The following NBPF20 variants were observed in gnomAD, a reference collection of about 807,000 sequenced individuals.
NBPF20 encodes NBPF family member NBPF20.
Under a neutral mutation model 68.1 loss-of-function variants are expected in NBPF20, and 90 were observed. The ratio of observed to expected loss-of-function variants is 1.32; its 90% CI spans 1.11 to 1.58. The LOEUF (loss-of-function observed/expected upper bound fraction) is 1.58. NBPF20 is among the 40% of genes most tolerant of loss of function. The probability of loss-of-function intolerance (pLI) is 0.00; values close to 1 mark genes in which losing one functional copy is unlikely to be tolerated. For missense variants in NBPF20, 816 were observed against 601.2 expected (o/e 1.36, Z -3.74); for synonymous variants, 290 against 228.1 (o/e 1.27, Z -2.45).
At chr1:145,410,068 CTGATT>C (rs1662947257), upstream of NBPF20, among the ~76,000 whole-genome samples, 1 of 152,016 alleles carries the variant, frequency 6.6e-6, no homozygotes, top group Non-Finnish European at 1.5e-5. Context: ...GACTGTCTAT[CTGATT>C]TGTGTTACGT....
chr1:145,419,423 A>T, the NBPF20 span, among the ~76,000 whole-genome samples: 7 of 152,126 alleles, frequency 4.6e-5, no homozygotes, highest in South Asian at 2.1e-4. Flanking sequence ...TGAAACACAT[A>T]ATTCCTCTGG....
intron 7 of NBPF20, among the ~76,000 whole-genome samples, chr1:145,398,228 G>A (rs1662354583): frequency 6.6e-6 from 1 of 151,700 alleles, no homozygotes; most frequent in Non-Finnish European, 1.5e-5. Flanking sequence ...CCACCAAGCA[G>A]ACCTAAAAGA....
At chr1:145,421,967 G>A in the NBPF20 span, among the ~76,000 whole-genome samples, 3 of 152,032 alleles carry the variant, frequency 2.0e-5, no homozygotes, top group African/African-American at 7.2e-5. Context: ...GAGCCTGAGA[G>A]GTCAAGGCTG....
intron 8 of NBPF20, among the ~76,000 whole-genome samples, chr1:145,394,572 C>T (rs1195913666): frequency 1.6e-4 from 25 of 152,034 alleles, no homozygotes; most frequent in Non-Finnish European, 2.5e-4. Flanking sequence ...TGGCCTTGGG[C>T]GGGTAAAGAA....
At position 145,392,944 on chromosome 1, in the gene NBPF20, C is replaced by T. The variant is rs1250874043; in HGVS notation, c.1216+130G>A. On this transcript the variant is annotated intron_variant, in intron 10 of 137. Transcript: ENST00000369373. ...AAGTGGAACTAGAGTTTCATTCAAC[C>T]TACATGTGCCTATAGGACCTCCCTG... is the stretch of plus-strand genomic sequence containing the variant. 3.4e-5 allele frequency: 12 copies of T among 352,438 alleles called. No homozygotes were observed. In the East Asian group the frequency reaches 8.3e-4, roughly 24 times the overall value. 21.8% of individuals were successfully genotyped at this position (352,438 alleles called of 1,614,324 possible).
chr1:145,409,543 G>C (rs2101606349), upstream of NBPF20, among the ~76,000 whole-genome samples: 1 of 147,832 alleles, frequency 6.8e-6, no homozygotes, highest in East Asian at 2.0e-4. Flanking sequence ...AAATAACGAA[G>C]GCATTCTTAA....
At chr1:145,410,768 A>G in the NBPF20 span, among the ~76,000 whole-genome samples, 22 of 133,944 alleles carry the variant, frequency 1.6e-4, no homozygotes, top group South Asian at 4.6e-4. Context: ...ATATATACGT[A>G]TATATATATA....
chr1:145,422,934 G>A, the NBPF20 span, among the ~76,000 whole-genome samples: 2 of 143,698 alleles, frequency 1.4e-5, no homozygotes, highest in Non-Finnish European at 3.0e-5. Context: ...GTTGCAGTGA[G>A]CTGAGATCCT....
intron 115 of NBPF20, among the ~76,000 whole-genome samples, 195 bp from the exon 121 acceptor site, chr1:145,309,443 TAGAC>T (rs1661445253): frequency 2.8e-5 from 1 of 36,084 alleles, no homozygotes; most frequent in African/African-American, 1.3e-4. Context: ...GAAAGACAGA[TAGAC>T]ACACACACAC....
At chr1:145,290,400 G>T (rs1660990480) in exon 138 of NBPF20, 1 of 149,416 alleles carries the variant, frequency 6.7e-6, no homozygotes, top group Admixed American at 6.6e-5. Flanking sequence ...GATGGGCTGA[G>T]GTTGGAAACT....
chr1:145,306,390 G>C (rs1661412481), intron 119 of NBPF20, among the ~76,000 whole-genome samples: 1 of 139,762 alleles, frequency 7.2e-6, no homozygotes, highest in Non-Finnish European at 1.6e-5. Flanking sequence ...CTCTGAGTTA[G>C]TGCCCTCAGG....
chr1:145,425,598 C>T, the NBPF20 span, among the ~76,000 whole-genome samples: 1 of 152,186 alleles, frequency 6.6e-6, no homozygotes, highest in Non-Finnish European at 1.5e-5. Context: ...TCTCGCCGGG[C>T]GCGTCAAGAG....
the NBPF20 span, among the ~76,000 whole-genome samples, chr1:145,411,675 C>T: frequency 2.0e-5 from 2 of 98,560 alleles, no homozygotes; most frequent in East Asian, 5.1e-4. Flanking sequence ...CAGGTGTGAG[C>T]CACGGTGCCC....
intron 7 of NBPF20, among the ~76,000 whole-genome samples, chr1:145,396,867 AT>A (rs1662272632): frequency 7.4e-6 from 1 of 134,808 alleles, no homozygotes; most frequent in African/African-American, 2.8e-5. Flanking sequence ...TGCTTCACCC[AT>A]TAACTCATCA....
At chr1:145,292,558 T>A in intron 136 of NBPF20, 69 bp from the exon 142 acceptor site, 2 of 719,790 alleles carry the variant, frequency 2.8e-6, no homozygotes, top group East Asian at 2.5e-5. Flanking sequence ...ATCCACTGTC[T>A]AATCCTCACA....
upstream of NBPF20, among the ~76,000 whole-genome samples, chr1:145,406,082 C>G (rs1662765977): frequency 7.0e-6 from 1 of 143,770 alleles, no homozygotes; most frequent in Middle Eastern, 3.5e-3. Flanking sequence ...CCACGCCCGG[C>G]TAATTTTTTT....
chr1:145,397,495 AG>A (rs1302045382), intron 7 of NBPF20, among the ~76,000 whole-genome samples: 1 of 152,250 alleles, frequency 6.6e-6, no homozygotes, highest in Admixed American at 6.5e-5. Flanking sequence ...AAGCTTCATA[AG>A]TGAAGGAGAA....
chr1:145,291,542 A>G lies in NBPF20; in HGVS notation c.16925T>C (p.Val5642Ala), dbSNP rs782142777. The G allele has an allele frequency of 1.9e-6, 3 of 1,611,948 alleles. No homozygotes were observed. In the South Asian group the frequency reaches 3.3e-5, roughly 18 times the overall value. ...AAGGGCTGTTTATTGTGGGAATATG[A>G]CTCCCATCTGGAACACCAGGTGGAG... is the stretch of plus-strand genomic sequence containing the variant. Residue 5642 changes from valine (V) to alanine (A), a missense_variant, in exon 138 of 138, where the codon GTC (valine) becomes GCC (alanine). Coordinates refer to ENST00000369373, the Ensembl canonical transcript of NBPF20.
upstream of NBPF20, among the ~76,000 whole-genome samples, chr1:145,409,348 C>A (rs587755140): frequency 2.7e-5 from 4 of 147,792 alleles, no homozygotes; most frequent in Non-Finnish European, 6.0e-5. Context: ...AGCATCCATA[C>A]GTGGCAGGCC....
Sources: allele counts gnomAD v4.1 joint callset (sites outside exome capture counted in the v4.1 genomes callset), GRCh38; gene constraint gnomAD v4.1.1; transcripts MANE v1.5; gene names NCBI Gene and HGNC (gene_info 2026-07-23, HGNC 2026-07-21).